ADCYAP1R1: variants seen among roughly 807,000 people sequenced by gnomAD.
The protein encoded by ADCYAP1R1 is ADCYAP receptor type I.
ADCYAP1R1 carries 44 observed loss-of-function variants against 67.6 expected under a neutral mutation model. The ratio of observed to expected loss-of-function variants is 0.65; its 90% confidence interval spans 0.51 to 0.84. The LOEUF is 0.84. Among genes scored for constraint, ADCYAP1R1 ranks in the 40% least tolerant of loss-of-function variants. The probability of loss-of-function intolerance (pLI) is 0.00; values close to 1 mark genes in which losing one functional copy is unlikely to be tolerated. For synonymous variants in ADCYAP1R1, 222 were observed against 219.6 expected, an observed-to-expected ratio of 1.01 and a Z score of -0.10; for missense variants, 477 against 587.9, an observed-to-expected ratio of 0.81 and a Z score of 1.95.
intron 3 of ADCYAP1R1, among the ~76,000 whole-genome samples, chr7:31,066,449 C>A (rs1244999696): frequency 6.6e-6 from 1 of 152,098 alleles, no homozygotes; most frequent in African/African-American, 2.4e-5. Flanking sequence ...GATGTCGTGG[C>A]AGAGAAGGGA....
chr7:31,064,821 TCTC>T lies in ADCYAP1R1; in HGVS notation c.52-7_52-5del. 6.2e-7 allele frequency: 1 copy of T among 1,603,144 alleles called. No individual in the cohort carries two copies. The highest frequency in any genetic ancestry group is 8.5e-7 in the Non-Finnish European group (1 of 1,173,652). Reference sequence around the variant, plus strand: ...CCCGCTCCCACCATCCATCCTGTGTTCTCCTACAGGCCCCTGCCATGCATTCTG... The same window carrying T: ...CCCGCTCCCACCATCCATCCTGTGTTCTACAGGCCCCTGCCATGCATTCTG... On this transcript the variant is annotated splice_region_variant and splice_polypyrimidine_tract_variant and intron_variant, in intron 2 of 15. Coordinates refer to ENST00000304166, the MANE Select transcript of ADCYAP1R1 (RefSeq NM_001118.5).
chr7:31,104,865 C>T lies in ADCYAP1R1; in HGVS notation c.1177-3C>T, dbSNP rs756083890. 3.1e-6 allele frequency: 5 copies of T among 1,614,192 alleles called. No homozygotes were observed. Among genetic ancestry groups the T allele is most frequent in the South Asian group, 1.1e-5 (1 of 91,078 alleles). ...TCCTCAGGCTTATTTTCTCTATTCC[C>T]AGGGCTTTGTGGTGGCTGTTCTCTA... On this transcript the variant is annotated splice_polypyrimidine_tract_variant and splice_region_variant and intron_variant, in intron 14 of 15. Coordinates refer to ENST00000304166, the MANE Select transcript of ADCYAP1R1 (RefSeq NM_001118.5).
rs1796792661 is a variant in ADCYAP1R1 at position 31,109,913 on chromosome 7, C to T, written c.*3229C>T. On this transcript the variant is annotated 3_prime_UTR_variant, in exon 16 of 16. Transcript: ENST00000304166. ...TCACATTGTCTATCCCAGTGTGTAG[C>T]TCTGTCACCCTGCTTGACACATCCA... 1 of 152,100 alleles carries T rather than the reference C, an allele frequency of 6.6e-6. No individual in the cohort carries two copies. The highest frequency in any genetic ancestry group is 2.1e-4 in the South Asian group (1 of 4,818). The allele number at this position is 152,100 out of a possible 1,614,324, so 9.4% of individuals were successfully genotyped here.
At position 31,102,276 on chromosome 7, in the gene ADCYAP1R1, G is replaced by A. The variant is rs1796470019; in HGVS notation, c.1047-961G>A. 1.3e-5 allele frequency among the ~76,000 whole-genome samples: 2 copies of A among 152,220 alleles called. No individual in the cohort carries two copies. Among genetic ancestry groups the A allele is most frequent in the South Asian group, 4.1e-4 (2 of 4,834 alleles). On this transcript the variant is annotated intron_variant, in intron 13 of 15. Coordinates refer to ENST00000304166, the MANE Select transcript of ADCYAP1R1 (RefSeq NM_001118.5). The surrounding 1 kb of genome is among the most constrained non-coding windows in gnomAD (Gnocchi z 4.3). Reference sequence around the variant, plus strand: ...GGAGGAGATGGGCCAGGTGCAGCCTGGGGGCAGGCCACATCTGCGGGGCAG... The same window carrying A: ...GGAGGAGATGGGCCAGGTGCAGCCTAGGGGCAGGCCACATCTGCGGGGCAG...
Position 31,087,712 on chromosome 7 carries a change from A to C in ADCYAP1R1, c.954+16A>C. On this transcript the variant is annotated intron_variant, in intron 12 of 15. Transcript: ENST00000304166. ...CTCTATCATGGTGAGTGTCCTTGGG[A>C]TGAAGAGGAAGGGAAGAGACAGGGT... The C allele has an allele frequency of 6.2e-7, 1 of 1,610,016 alleles. No homozygotes were observed. Among genetic ancestry groups the C allele is most frequent in the Non-Finnish European group, 8.5e-7 (1 of 1,177,294 alleles).
intron 13 of ADCYAP1R1, among the ~76,000 whole-genome samples, chr7:31,100,471 G>T (rs1034452953): frequency 7.9e-5 from 12 of 152,160 alleles, no homozygotes; most frequent in Non-Finnish European, 1.3e-4. Context: ...CATGTTCTCT[G>T]CTGCTGCTGC....
chr7:31,088,146 G>C (rs1161538937), intron 12 of ADCYAP1R1, among the ~76,000 whole-genome samples: 1 of 152,178 alleles, frequency 6.6e-6, no homozygotes, highest in Non-Finnish European at 1.5e-5. Flanking sequence ...GATAATGCTG[G>C]CTTATAATTT....
rs1342197038 is a variant in ADCYAP1R1, at chr7:31,084,168, C to T, written c.356C>T (p.Thr119Met). 1.4e-5 allele frequency: 23 copies of T among 1,614,132 alleles called. No homozygotes were observed. The highest frequency in any genetic ancestry group is 4.0e-5 in the African/African-American group (3 of 75,024). The change falls in exon 7 of 16, where the codon ACG (threonine) becomes ATG (methionine). Residue 119 changes from threonine (T) to methionine (M), a missense_variant. Physicochemically the swap from Thr to Met is moderately conservative, Grantham distance 81. Transcript: ENST00000304166. ...ATGGGAGTGGTGAGCCGGAACTGCACGGAGGATGGCTGGTCGGAACCCTTC... is the reference window on the plus strand; with the variant it reads ...ATGGGAGTGGTGAGCCGGAACTGCATGGAGGATGGCTGGTCGGAACCCTTC... ...SDMGVVSRNC[T>M]EDGWSEPFPH...
chr7:31,068,964 G>A (rs1313759581), intron 3 of ADCYAP1R1, among the ~76,000 whole-genome samples: 1 of 152,186 alleles, frequency 6.6e-6, no homozygotes, highest in South Asian at 2.1e-4. Flanking sequence ...TGAAAGATGG[G>A]CCTCTACCCC....
chr7:31,083,414 C>G (rs1199095653), intron 6 of ADCYAP1R1, among the ~76,000 whole-genome samples: 1 of 152,212 alleles, frequency 6.6e-6, no homozygotes, highest in East Asian at 1.9e-4. Context: ...CTGATCCCAC[C>G]CCCTCGAGTG....
chr7:31,082,023 T>A (rs930182571), intron 6 of ADCYAP1R1, among the ~76,000 whole-genome samples: 1 of 152,230 alleles, frequency 6.6e-6, no homozygotes, highest in Non-Finnish European at 1.5e-5. Flanking sequence ...GATTGGATGA[T>A]CCTTGACTGT....
At chr7:31,075,260 G>A (rs1340041095) in intron 3 of ADCYAP1R1, among the ~76,000 whole-genome samples, 1 of 152,138 alleles carries the variant, frequency 6.6e-6, no homozygotes, top group African/African-American at 2.4e-5. Context: ...CAGTGAACAG[G>A]CATTGAATGA....
intron 4 of ADCYAP1R1, among the ~76,000 whole-genome samples, chr7:31,078,906 C>T (rs182758040): frequency 1.2e-4 from 19 of 152,246 alleles, no homozygotes; most frequent in African/African-American, 4.1e-4. Context: ...TGGGTGGGTG[C>T]GGTGTCCTGC....
intron 12 of ADCYAP1R1, among the ~76,000 whole-genome samples, chr7:31,090,125 C>T (rs1197187931): frequency 1.3e-5 from 2 of 152,122 alleles, no homozygotes; most frequent in Admixed American, 1.3e-4. Context: ...ATAAAATTAT[C>T]TGGACCTGGT....
chr7:31,059,739 G>T (rs1162225568), intron 1 of ADCYAP1R1, among the ~76,000 whole-genome samples: 3 of 152,160 alleles, frequency 2.0e-5, no homozygotes, highest in African/African-American at 4.8e-5. Context: ...TCTGAGCGTT[G>T]TCCAGTTGGG....
At chr7:31,100,226 C>T (rs578121807) in intron 13 of ADCYAP1R1, 12 of 1,549,894 alleles carry the variant, frequency 7.7e-6, no homozygotes, top group African/African-American at 6.8e-5. Flanking sequence ...TGTGCGTGGC[C>T]GAGGCTGTGG....
chr7:31,068,726 A>G (rs1794850011), intron 3 of ADCYAP1R1, among the ~76,000 whole-genome samples: 1 of 152,188 alleles, frequency 6.6e-6, no homozygotes, highest in Non-Finnish European at 1.5e-5. Context: ...CCTGAGAAGC[A>G]GTGTCCATCT....
Position 31,086,263 on chromosome 7 carries a change from A to G in ADCYAP1R1, c.670-121A>G. 9.8e-7 allele frequency: 1 copy of G among 1,021,310 alleles called. No individual in the cohort carries two copies. 63.3% of individuals were successfully genotyped at this position (1,021,310 alleles called of 1,614,324 possible). A position where few individuals can be genotyped will look rare whatever the true frequency, so the allele number is the denominator to read the frequency against. ...TCAACTCTTTGATCCAGGAATATTG[A>G]CTCTCTTAGATCCTTGGGATGTTTG... On this transcript the variant is annotated intron_variant, in intron 9 of 15. Coordinates refer to ENST00000304166, the MANE Select transcript of ADCYAP1R1 (RefSeq NM_001118.5). The surrounding 1 kb of genome is among the most constrained non-coding windows in gnomAD (Gnocchi z 5.0).
chr7:31,089,547 T>C (rs1216858181), intron 12 of ADCYAP1R1, among the ~76,000 whole-genome samples: 3 of 152,122 alleles, frequency 2.0e-5, no homozygotes, highest in Admixed American at 6.5e-5. Flanking sequence ...TTTCCTTCAT[T>C]ATGAGCAGTG....
Sources: gnomAD v4.1 joint callset for allele counts (sites outside exome capture counted in the v4.1 genomes callset) on GRCh38, gnomAD v4.1.1 for gene constraint, Gnocchi (gnomAD v3.1) non-coding constraint, MANE v1.5 for transcripts, NCBI Gene and HGNC (gene_info 2026-07-23, HGNC 2026-07-21) for gene names.